The following DLGAP1 variants were observed in gnomAD, a reference collection of about 807,000 sequenced individuals.
DLGAP1 encodes the protein disks large-associated protein 1.
A neutral mutation model predicts 90.8 loss-of-function variants in DLGAP1; 11 were observed. That is an observed-to-expected ratio of 0.12 (90% CI 0.08 to 0.20). The LOEUF is 0.20. DLGAP1 is among the 10% of genes least tolerant of loss of function. The probability of loss-of-function intolerance (pLI) is 1.00; values close to 1 mark genes in which losing one functional copy is unlikely to be tolerated. For synonymous variants in DLGAP1, 558 were observed against 540.7 expected, an observed-to-expected ratio of 1.03 and a Z score of -0.44; for missense variants, 1,050 against 1,333.8, an observed-to-expected ratio of 0.79 and a Z score of 3.31.
intron 2 of DLGAP1, among the ~76,000 whole-genome samples, chr18:4,131,325 A>G (rs539713012): frequency 1.3e-5 from 2 of 152,336 alleles, no homozygotes; most frequent in African/African-American, 4.8e-5. Context: ...ATTTTATTCC[A>G]CATGACAAAT....
At chr18:3,515,669 C>T (rs1158550102) in intron 10 of DLGAP1, among the ~76,000 whole-genome samples, 1 of 150,996 alleles carries the variant, frequency 6.6e-6, no homozygotes, top group African/African-American at 2.4e-5. Flanking sequence ...GTCCCAGCTA[C>T]TCAGGAGGCT....
intron 3 of DLGAP1, among the ~76,000 whole-genome samples, chr18:3,939,133 C>T (rs1360871481): frequency 6.6e-6 from 1 of 150,720 alleles, no homozygotes; most frequent in Non-Finnish European, 1.5e-5. Context: ...AAAATGTGGG[C>T]CAGTGGCTTA....
At chr18:3,628,872 A>G (rs959699550) in intron 7 of DLGAP1, among the ~76,000 whole-genome samples, 1 of 152,236 alleles carries the variant, frequency 6.6e-6, no homozygotes, top group African/African-American at 2.4e-5. Flanking sequence ...GAAATAAACA[A>G]TAAAAATACA....
intron 9 of DLGAP1, among the ~76,000 whole-genome samples, chr18:3,556,523 G>A (rs554048067): frequency 1.3e-5 from 2 of 152,240 alleles, no homozygotes; most frequent in Admixed American, 1.3e-4. Flanking sequence ...AGATTTTTCA[G>A]ATTGGCTTGT....
chr18:3,644,190 G>A (rs750160499), intron 7 of DLGAP1, among the ~76,000 whole-genome samples: 2 of 152,192 alleles, frequency 1.3e-5, no homozygotes, highest in Non-Finnish European at 2.9e-5. Flanking sequence ...GAGAGACTGT[G>A]TGGAGCAGGA....
chr18:4,052,064 T>C (rs1164591138), intron 2 of DLGAP1, among the ~76,000 whole-genome samples: 2 of 152,212 alleles, frequency 1.3e-5, no homozygotes, highest in African/African-American at 4.8e-5. Flanking sequence ...GCTCCCATCC[T>C]GGCTGCTTTC....
intron 4 of DLGAP1, chr18:3,874,601 A>G: frequency 1.3e-6 from 2 of 1,530,052 alleles, no homozygotes; most frequent in Non-Finnish European, 1.7e-6. Context: ...TTATTTAACT[A>G]TTAAGCACTT....
chr18:3,739,915 A>T (rs901078224), intron 6 of DLGAP1, among the ~76,000 whole-genome samples: 1 of 152,196 alleles, frequency 6.6e-6, no homozygotes, highest in African/African-American at 2.4e-5. Flanking sequence ...ATGGAATTGC[A>T]GTGCTTGACC....
chr18:4,394,962 T>C (rs1299420135), intron 1 of DLGAP1, among the ~76,000 whole-genome samples: 1 of 152,204 alleles, frequency 6.6e-6, no homozygotes, highest in Non-Finnish European at 1.5e-5. Context: ...TACTGAAAGT[T>C]AGTAGTTACC....
At chr18:3,616,184 A>AT (rs2057855527) in intron 7 of DLGAP1, among the ~76,000 whole-genome samples, 1 of 152,192 alleles carries the variant, frequency 6.6e-6, no homozygotes, top group Non-Finnish European at 1.5e-5. Context: ...GGGAGACTGC[A>AT]TTTTCCAAAA....
rs1598944470 is a variant in DLGAP1, at chr18:4,342,978, G to C, written c.-267+112028C>G. Among the ~76,000 whole-genome samples the C allele has an allele frequency of 6.6e-6, 1 of 152,206 alleles. No homozygotes were observed. The highest frequency in any genetic ancestry group is 2.1e-4 in the South Asian group (1 of 4,820). On this transcript the variant is annotated intron_variant, in intron 1 of 12. Coordinates refer to ENST00000315677, the MANE Select transcript of DLGAP1 (RefSeq NM_004746.4). The surrounding 1 kb of genome is among the most constrained non-coding windows in gnomAD (Gnocchi z 5.8). ...TTATTTCAGATTCAGGATTGTACTG[G>C]GATAAATATAATCTAAATCATAGTT...
At chr18:3,933,217 G>A (rs2148932893) in intron 3 of DLGAP1, among the ~76,000 whole-genome samples, 1 of 152,328 alleles carries the variant, frequency 6.6e-6, no homozygotes, top group African/African-American at 2.4e-5. Context: ...GTTACTAGGA[G>A]ATAAAGCTAA....
chr18:4,198,932 G>A (rs774381656), intron 1 of DLGAP1, among the ~76,000 whole-genome samples: 103 of 152,346 alleles, frequency 6.8e-4, no homozygotes, highest in Non-Finnish European at 9.1e-4. Context: ...AGCAGGCATC[G>A]TAGTGAGAGG....
At chr18:4,302,153 A>G (rs2080141010) in intron 1 of DLGAP1, among the ~76,000 whole-genome samples, 1 of 152,086 alleles carries the variant, frequency 6.6e-6, no homozygotes, top group Non-Finnish European at 1.5e-5. Flanking sequence ...ATGCAGTCCC[A>G]TTTCTCTACT....
At chr18:3,902,803 C>T (rs2148882699) in intron 3 of DLGAP1, among the ~76,000 whole-genome samples, 1 of 152,186 alleles carries the variant, frequency 6.6e-6, no homozygotes, top group South Asian at 2.1e-4. Flanking sequence ...CATATATAAA[C>T]TATGCATATA....
chr18:3,874,124 T>C (rs1245826625), intron 4 of DLGAP1: 10 of 1,549,448 alleles, frequency 6.5e-6, no homozygotes, highest in South Asian at 3.6e-5. Context: ...TATTACCAAA[T>C]ACAAAGTAAT....
chr18:4,233,344 A>T (rs1009285042), intron 1 of DLGAP1, among the ~76,000 whole-genome samples: 40 of 152,266 alleles, frequency 2.6e-4, no homozygotes, highest in Middle Eastern at 3.4e-3. Context: ...CATGACCTTA[A>T]AAATTGTACA....
At chr18:3,763,664 T>A (rs185488383) in intron 5 of DLGAP1, among the ~76,000 whole-genome samples, 240 of 152,158 alleles carry the variant, frequency 1.6e-3, no homozygotes, top group Non-Finnish European at 2.7e-3. Context: ...CCTATCTTTT[T>A]TTTTTCTTTT....
intron 7 of DLGAP1, among the ~76,000 whole-genome samples, chr18:3,724,692 G>T (rs1472803649): frequency 6.6e-6 from 1 of 151,814 alleles, no homozygotes; most frequent in African/African-American, 2.4e-5. Flanking sequence ...AGCCATGATT[G>T]CACCATTGCA....
Sources: allele counts gnomAD v4.1 joint callset (sites outside exome capture counted in the v4.1 genomes callset), GRCh38; gene constraint gnomAD v4.1.1; non-coding constraint Gnocchi (gnomAD v3.1); transcripts MANE v1.5; gene names NCBI Gene and HGNC (gene_info 2026-07-23, HGNC 2026-07-21).